INVS: variants seen among roughly 807,000 people sequenced by gnomAD.
INVS encodes the protein inversion of embryo turning homolog.
A neutral mutation model predicts 108.8 loss-of-function variants in INVS; 86 were observed. The observed-to-expected ratio is 0.79, with a 90% CI of 0.66 to 0.95. The LOEUF is 0.95. Ranked by LOEUF, INVS falls within the 40% of genes least tolerant of loss-of-function variation. The pLI is 0.00. For synonymous variants in INVS, 455 were observed against 473.5 expected, an observed-to-expected ratio of 0.96 and a Z score of 0.51; for missense variants, 1,169 against 1,297.4, an observed-to-expected ratio of 0.90 and a Z score of 1.52.
chr9:100,296,354 G>T (rs1381008725), intron 14 of INVS, among the ~76,000 whole-genome samples: 1 of 152,122 alleles, frequency 6.6e-6, no homozygotes, highest in Non-Finnish European at 1.5e-5. Context: ...ACCTCCAACA[G>T]ACTTATCTTA....
At chr9:100,257,642 G>T (rs1442648573) in intron 10 of INVS, among the ~76,000 whole-genome samples, 1 of 152,172 alleles carries the variant, frequency 6.6e-6, no homozygotes, top group Non-Finnish European at 1.5e-5. Flanking sequence ...GTCTGTAAAG[G>T]ATTTTATTTC....
chr9:100,209,917 T>C (rs931702897), intron 3 of INVS, among the ~76,000 whole-genome samples: 2 of 152,178 alleles, frequency 1.3e-5, no homozygotes, highest in African/African-American at 4.8e-5. Flanking sequence ...AGTTCTACTC[T>C]ATCCTCAGAC....
At chr9:100,199,286 CA>C (rs1830470598) in intron 3 of INVS, among the ~76,000 whole-genome samples, 1 of 152,120 alleles carries the variant, frequency 6.6e-6, no homozygotes, top group Non-Finnish European at 1.5e-5. Context: ...CTCTTGTAGA[CA>C]ACATAAGCAT....
At position 100,259,581 on chromosome 9, in the gene INVS, A is replaced by T. The variant is rs10989039; in HGVS notation, c.1465-5241A>T. On this transcript the variant is annotated intron_variant, in intron 10 of 16. Coordinates refer to ENST00000262457, the MANE Select transcript of INVS (RefSeq NM_014425.5). The stretch of plus-strand genomic sequence containing the variant: ...CCTTTTTTTTTTTTTTTTTCCTCCC[A>T]GGCTGGAGCGCAGTGGTGCAATCTT... Among the ~76,000 whole-genome samples the T allele has an allele frequency of 7.6e-4, 89 of 116,412 alleles. No individual in the cohort carries two copies. In the East Asian group the frequency reaches 0.019, roughly 25 times the overall value. The allele number at this position is 116,412 out of a possible 152,430, so 76.4% of individuals were successfully genotyped here.
chr9:100,243,639 G>A (rs1327141597), intron 7 of INVS, among the ~76,000 whole-genome samples: 1 of 152,182 alleles, frequency 6.6e-6, no homozygotes, highest in East Asian at 1.9e-4. Flanking sequence ...TTCATCCAAG[G>A]ATGCACATGT....
intron 3 of INVS, among the ~76,000 whole-genome samples, chr9:100,149,974 G>T (rs1369072096): frequency 6.6e-6 from 1 of 152,118 alleles, no homozygotes; most frequent in East Asian, 1.9e-4. Context: ...TCCTGATACT[G>T]CTGCACTGGG....
chr9:100,174,963 C>T (rs1829663955), intron 3 of INVS, among the ~76,000 whole-genome samples: 1 of 151,978 alleles, frequency 6.6e-6, no homozygotes, highest in Non-Finnish European at 1.5e-5. Context: ...TGCTGAAAAC[C>T]AAAGATGAAG....
Position 100,301,032 on chromosome 9 carries a change from C to A in INVS, c.*358C>A. ...CTGGGTTGGGATTTCTGCCAGCTAG[C>A]TGGTACTGGCTTCTTGTTTCAAGAG... On this transcript the variant is annotated 3_prime_UTR_variant, in exon 17 of 17. Coordinates refer to ENST00000262457, the MANE Select transcript of INVS (RefSeq NM_014425.5). The A allele has an allele frequency of 3.2e-6, 1 of 310,676 alleles. No individual in the cohort carries two copies. Among genetic ancestry groups the A allele is most frequent in the Non-Finnish European group, 6.2e-6 (1 of 161,110 alleles). The allele number at this position is 310,676 out of a possible 1,614,324, so 19.2% of individuals were successfully genotyped here.
chr9:100,276,522 T>C (rs1282763984), intron 12 of INVS, among the ~76,000 whole-genome samples: 1 of 152,120 alleles, frequency 6.6e-6, no homozygotes, highest in Non-Finnish European at 1.5e-5. Flanking sequence ...TCGTTCTTCT[T>C]TTTTTTGAGA....
intron 3 of INVS, among the ~76,000 whole-genome samples, chr9:100,191,185 C>T (rs1334564590): frequency 6.6e-6 from 1 of 152,036 alleles, no homozygotes; most frequent in Non-Finnish European, 1.5e-5. Context: ...AATGAATCTC[C>T]CAGGAGTTCT....
chr9:100,258,155 A>G (rs1832485585), intron 10 of INVS, among the ~76,000 whole-genome samples: 1 of 152,026 alleles, frequency 6.6e-6, no homozygotes, highest in South Asian at 2.1e-4. Flanking sequence ...CCTTCATTTG[A>G]TCTTCAATCA....
At chr9:100,262,933 G>A (rs1225331322) in intron 10 of INVS, among the ~76,000 whole-genome samples, 2 of 152,040 alleles carry the variant, frequency 1.3e-5, no homozygotes, top group Admixed American at 6.6e-5. Flanking sequence ...ATTTTTAGTA[G>A]AGAAGGGGTT....
In INVS at chr9:100,301,851, AAGG is replaced by A. The variant is rs550207369; in HGVS notation, c.*1181_*1183del. On this transcript the variant is annotated 3_prime_UTR_variant, in exon 17 of 17. Transcript: ENST00000262457. ...TTTTTGTGATCACAAAAACACAAAG[AAGG>A]AGGTCTGCCTGGATGGAATTACAAA... Among the ~76,000 whole-genome samples the A allele has an allele frequency of 2.7e-3, 407 of 152,270 alleles. 1 individual carries two copies. The highest frequency in any genetic ancestry group is 4.0e-3 in the Non-Finnish European group (274 of 68,024).
intron 3 of INVS, among the ~76,000 whole-genome samples, chr9:100,201,174 G>A (rs1830520350): frequency 6.6e-6 from 1 of 152,226 alleles, no homozygotes; most frequent in Non-Finnish European, 1.5e-5. Flanking sequence ...AGTCCCATAA[G>A]GGTGGTATGG....
intron 2 of INVS, among the ~76,000 whole-genome samples, chr9:100,125,853 T>C (rs1297497070): frequency 6.6e-6 from 1 of 152,032 alleles, no homozygotes; most frequent in South Asian, 2.1e-4. Flanking sequence ...GCCTGGCTAA[T>C]TTTTGTATTT....
rs1491269846 is a variant in INVS, at chr9:100,100,904, T to TATATATA, written c.-25+1489_-25+1495dup. ...GTATATATAATATATATTATATATG[T>TATATATA]ATATATATTATATGTATATATATAA... On this transcript the variant is annotated intron_variant, in intron 1 of 16. Coordinates refer to ENST00000262457, the MANE Select transcript of INVS (RefSeq NM_014425.5). Among the ~76,000 whole-genome samples, 137 of 35,472 alleles carry TATATATA rather than the reference T, an allele frequency of 3.9e-3. 14 individuals carry two copies. The highest frequency in any genetic ancestry group is 5.8e-3 in the African/African-American group (28 of 4,860). The allele number at this position is 35,472 out of a possible 152,430, so 23.3% of individuals were successfully genotyped here.
At chr9:100,230,932 C>G (rs768909124) in intron 5 of INVS, among the ~76,000 whole-genome samples, 1 of 152,178 alleles carries the variant, frequency 6.6e-6, no homozygotes, top group African/African-American at 2.4e-5. Flanking sequence ...TTGACAGATA[C>G]TTTGTTTCCA....
intron 3 of INVS, among the ~76,000 whole-genome samples, chr9:100,139,491 G>A (rs1307552497): frequency 1.3e-5 from 2 of 152,018 alleles, no homozygotes; most frequent in African/African-American, 4.8e-5. Context: ...TATATTTCCA[G>A]CTATCTTCTA....
At chr9:100,135,140 A>C (rs926116287) in intron 3 of INVS, among the ~76,000 whole-genome samples, 1 of 152,188 alleles carries the variant, frequency 6.6e-6, no homozygotes, top group Non-Finnish European at 1.5e-5. Context: ...TTTACTGTAT[A>C]TGTTATATTC....
Sources: gnomAD v4.1 joint callset for allele counts (sites outside exome capture counted in the v4.1 genomes callset) on GRCh38, gnomAD v4.1.1 for gene constraint, MANE v1.5 for transcripts, NCBI Gene and HGNC (gene_info 2026-07-23, HGNC 2026-07-21) for gene names.